CTNND2: variants seen among roughly 807,000 people sequenced by gnomAD.
The protein encoded by CTNND2 is catenin delta-2.
CTNND2 carries 22 observed loss-of-function variants against 144.4 expected under a neutral mutation model. That is an observed-to-expected ratio of 0.15 (90% confidence interval 0.11 to 0.22). The LOEUF is 0.22. Among genes scored for constraint, CTNND2 ranks in the 10% least tolerant of loss-of-function variants. CTNND2 has a pLI of 1.00. For missense variants in CTNND2, 1,353 were observed against 1,618.8 expected, an observed-to-expected ratio of 0.84 and a Z score of 2.82; for synonymous variants, 751 against 695.6, an observed-to-expected ratio of 1.08 and a Z score of -1.25.
intron 10 of CTNND2, among the ~76,000 whole-genome samples, chr5:11,223,213 A>C (rs32258): frequency 0.9 from 137,667 of 152,216 alleles, 62,393 homozygotes; most frequent in East Asian, 0.99. Context: ...AAATCCCTCC[A>C]TCACTAGTCT....
intron 1 of CTNND2, among the ~76,000 whole-genome samples, chr5:11,735,637 G>A (rs1787639844): frequency 6.6e-6 from 1 of 152,158 alleles, no homozygotes; most frequent in Non-Finnish European, 1.5e-5. Flanking sequence ...CACGGAGGCA[G>A]GTTTTGCCCA....
At chr5:11,884,537 T>A (rs1417057064) in intron 1 of CTNND2, among the ~76,000 whole-genome samples, 1 of 152,222 alleles carries the variant, frequency 6.6e-6, no homozygotes, top group Non-Finnish European at 1.5e-5. Flanking sequence ...TTGCTCTATA[T>A]ATCTGTTTTG....
At chr5:11,643,871 CGAAA>C (rs1247654696) in intron 2 of CTNND2, among the ~76,000 whole-genome samples, 5 of 151,810 alleles carry the variant, frequency 3.3e-5, no homozygotes, top group Admixed American at 3.3e-4. Context: ...TGAAGTAAAA[CGAAA>C]GAATTTCATT....
At chr5:11,520,256 C>T (rs1426019873) in intron 3 of CTNND2, among the ~76,000 whole-genome samples, 2 of 152,108 alleles carry the variant, frequency 1.3e-5, no homozygotes, top group African/African-American at 2.4e-5. Flanking sequence ...ATGCTGCACC[C>T]CTCAGTATTC....
At position 11,128,957 on chromosome 5, in the gene CTNND2, A is replaced by C. The variant is rs1461670140; in HGVS notation, c.2160-11390T>G. Among the ~76,000 whole-genome samples the C allele has an allele frequency of 1.1e-4, 5 of 45,764 alleles. 1 individual carries two copies. The highest frequency in any genetic ancestry group is 2.7e-4 in the African/African-American group (4 of 14,770). The allele number at this position is 45,764 out of a possible 152,430, so 30.0% of individuals were successfully genotyped here. On this transcript the variant is annotated intron_variant, in intron 12 of 21. Transcript: ENST00000304623. ...TATATATATTATATATAATATATAAATATATATAATATATAATATATAAAT... is the reference window on the plus strand; with the variant it reads ...TATATATATTATATATAATATATAACTATATATAATATATAATATATAAAT...
At chr5:11,817,815 T>G (rs1231558936) in intron 1 of CTNND2, among the ~76,000 whole-genome samples, 1 of 152,028 alleles carries the variant, frequency 6.6e-6, no homozygotes, top group African/African-American at 2.4e-5. Context: ...GAAGCATATT[T>G]TTAACACTTA....
At chr5:11,342,909 A>C (rs1754418566) in intron 9 of CTNND2, among the ~76,000 whole-genome samples, 1 of 152,244 alleles carries the variant, frequency 6.6e-6, no homozygotes, top group Non-Finnish European at 1.5e-5. Context: ...CAAATATATT[A>C]GCTATGATAA....
At chr5:11,300,968 T>G (rs571161158) in intron 9 of CTNND2, among the ~76,000 whole-genome samples, 1 of 152,250 alleles carries the variant, frequency 6.6e-6, no homozygotes, top group Admixed American at 6.5e-5. Flanking sequence ...CAAAACAGAA[T>G]GAAACAAGAA....
chr5:11,079,406 C>T (rs1749306041), intron 16 of CTNND2, among the ~76,000 whole-genome samples: 1 of 152,210 alleles, frequency 6.6e-6, no homozygotes. Flanking sequence ...ATATCCCTAA[C>T]ACCAGATGCC....
At chr5:11,886,741 A>T (rs565347766) in intron 1 of CTNND2, among the ~76,000 whole-genome samples, 1 of 152,300 alleles carries the variant, frequency 6.6e-6, no homozygotes, top group East Asian at 1.9e-4. Flanking sequence ...TCTTCAGATT[A>T]TCAGTAAGAT....
intron 1 of CTNND2, among the ~76,000 whole-genome samples, chr5:11,803,064 G>A (rs1332474578): frequency 6.6e-6 from 1 of 152,188 alleles, no homozygotes; most frequent in Non-Finnish European, 1.5e-5. Context: ...ACTGACGCCT[G>A]TAATGCCAGC....
intron 9 of CTNND2, among the ~76,000 whole-genome samples, chr5:11,297,065 T>C (rs535248052): frequency 6.6e-6 from 1 of 152,292 alleles, no homozygotes; most frequent in South Asian, 2.1e-4. Context: ...TTAAAATACA[T>C]TGTATAATGA....
chr5:10,984,907 C>A (rs998935038), intron 20 of CTNND2, among the ~76,000 whole-genome samples: 7 of 151,976 alleles, frequency 4.6e-5, no homozygotes, highest in Non-Finnish European at 7.4e-5. Context: ...AACCCTGTCT[C>A]TACTAAAAAT....
intron 12 of CTNND2, among the ~76,000 whole-genome samples, chr5:11,118,649 G>A (rs143159212): frequency 1.2e-3 from 185 of 152,298 alleles, no homozygotes; most frequent in African/African-American, 4.3e-3. Context: ...GGAGGGTGGT[G>A]TTCTTTGCTG....
chr5:11,573,873 C>T (rs903671718), intron 2 of CTNND2, among the ~76,000 whole-genome samples: 1 of 152,106 alleles, frequency 6.6e-6, no homozygotes, highest in Admixed American at 6.6e-5. Context: ...TTTCTCTTGC[C>T]AAATGCCTTG....
chr5:10,989,017 T>C (rs1460990610), intron 19 of CTNND2, among the ~76,000 whole-genome samples: 7 of 152,184 alleles, frequency 4.6e-5, no homozygotes, highest in African/African-American at 1.4e-4. Context: ...TGGGTTGTAA[T>C]TGGAGGATCC....
chr5:11,036,064 A>G lies in CTNND2; in HGVS notation c.2789-13085T>C, dbSNP rs564149328. On this transcript the variant is annotated intron_variant, in intron 16 of 21. Transcript: ENST00000304623. ...TTTTCAGTAAGAAATTGTGAAGAAT[A>G]GTCTGTGCCCAAAGAACAAGAGCTT... Among the ~76,000 whole-genome samples, 6 of 152,198 alleles carry G rather than the reference A, an allele frequency of 3.9e-5. No homozygotes were observed. The East Asian group carries it at 1.2e-3, about 29-fold the overall frequency.
chr5:11,499,294 T>G (rs893033513), intron 3 of CTNND2, among the ~76,000 whole-genome samples: 15 of 152,336 alleles, frequency 9.8e-5, no homozygotes, highest in Admixed American at 3.3e-4. Flanking sequence ...AGCTCTGATC[T>G]TGTCCACATT....
intron 3 of CTNND2, among the ~76,000 whole-genome samples, chr5:11,451,663 A>G (rs1765327549): frequency 6.6e-6 from 1 of 152,242 alleles, no homozygotes; most frequent in South Asian, 2.1e-4. Context: ...TTACAATAAC[A>G]TCAGACTAAA....
Sources: gnomAD v4.1 joint callset for allele counts (sites outside exome capture counted in the v4.1 genomes callset) on GRCh38, gnomAD v4.1.1 for gene constraint, MANE v1.5 for transcripts, NCBI Gene and HGNC (gene_info 2026-07-23, HGNC 2026-07-21) for gene names.